Variants in ABCC5 observed in about 807,000 individuals in gnomAD.
ABCC5 encodes the protein ATP-binding cassette sub-family C member 5.
A neutral mutation model predicts 160.9 loss-of-function variants in ABCC5; 61 were observed. The ratio of observed to expected loss-of-function variants is 0.38; its 90% CI spans 0.31 to 0.47. The LOEUF is 0.47. ABCC5 is among the 20% of genes least tolerant of loss of function. The pLI, the probability that ABCC5 is intolerant of heterozygous loss-of-function variation, is 0.99. For synonymous variants in ABCC5, 666 were observed against 700.6 expected, an observed-to-expected ratio of 0.95 and a Z score of 0.78; for missense variants, 1,308 against 1,813.3, an observed-to-expected ratio of 0.72 and a Z score of 5.06.
At position 183,982,417 on chromosome 3, in the gene ABCC5, A is replaced by ATG; in HGVS notation, c.999+33_999+34insCA. On this transcript the variant is annotated intron_variant, in intron 7 of 29. Coordinates refer to ENST00000334444, the MANE Select transcript of ABCC5 (RefSeq NM_005688.4). This position sits in a 1 kb window ranked among gnomAD's most constrained non-coding sequence, Gnocchi z 5.2. ...TGGAAGTAACTCATCTCCTAAGGAG[A>ATG]AGCTGCCAGGATTCAGCTGGGAGGC... 1 of 1,603,528 alleles carries ATG rather than the reference A, an allele frequency of 6.2e-7. No individual in the cohort carries two copies. The highest frequency in any genetic ancestry group is 8.5e-7 in the Non-Finnish European group (1 of 1,174,218).
rs1718328756 is a variant in ABCC5 at position 183,977,538 on chromosome 3, T to A, written c.1383A>T (p.Ser461=). 1 of 1,613,774 alleles carries A rather than the reference T, an allele frequency of 6.2e-7. No individual in the cohort carries two copies. ...PFSVKSLSEA[S]VAVDRFKSLF... ...TTACCTTAAATCTGTCAACAGCCAC[T>A]GAGGCTTCTGAGAGGGACTTTACTG... Residue 461 remains serine (S), a synonymous_variant, in exon 10 of 30, where the codon TCA becomes TCT. Transcript: ENST00000334444.
At position 183,951,549 on chromosome 3, in the gene ABCC5, G is replaced by A. The variant is rs757382087; in HGVS notation, c.2836C>T (p.Arg946Trp). 6.2e-7 allele frequency: 1 copy of A among 1,614,158 alleles called. No homozygotes were observed. The highest frequency in any genetic ancestry group is 8.5e-7 in the Non-Finnish European group (1 of 1,180,032). Residue 946 changes from arginine to tryptophan, a missense_variant, in exon 20 of 30, where the codon CGG becomes TGG. This residue lies in a region of ABCC5 where 1,142 missense variants were observed against 1,527.1 expected (regional missense o/e 0.75). Coordinates refer to ENST00000334444, the MANE Select transcript of ABCC5 (RefSeq NM_005688.4). The surrounding 1 kb of genome is among the most constrained non-coding windows in gnomAD (Gnocchi z 4.7). ...CTTCGGAAAAGCTCGTCATGCAGCC[G>A]GGAGGAAGCTCGCAGCGTGCCCTGA... is the stretch of plus-strand genomic sequence containing the variant. Reference protein sequence around the residue: ...FVKGTLRASSRLHDELFRRIL... With the variant: ...FVKGTLRASSWLHDELFRRIL...
At position 183,928,966 on chromosome 3, in the gene ABCC5, A is replaced by G; in HGVS notation, c.3855-141T>C. On this transcript the variant is annotated intron_variant, in intron 26 of 29. Coordinates refer to ENST00000334444, the MANE Select transcript of ABCC5 (RefSeq NM_005688.4). The stretch of plus-strand genomic sequence containing the variant: ...ATGGTCACAGACGGCTCATTCCACA[A>G]CCAGACAGATGGGAGCTCTGACAGC... 4 of 615,828 alleles carry G rather than the reference A, an allele frequency of 6.5e-6. No individual in the cohort carries two copies. The South Asian group carries it at 8.7e-5, about 13-fold the overall frequency. The allele number at this position is 615,828 out of a possible 1,614,324, so 38.1% of individuals were successfully genotyped here.
chr3:183,999,924 T>C (rs553093486), intron 2 of ABCC5, among the ~76,000 whole-genome samples: 2 of 152,256 alleles, frequency 1.3e-5, no homozygotes, highest in Admixed American at 6.5e-5. Flanking sequence ...ATAGCATACT[T>C]AGTCCAGCTA....
rs752070795 is a variant in ABCC5 at position 183,965,189 on chromosome 3, G to A, written c.2027C>T (p.Thr676Met). Residue 676 changes from threonine to methionine, a missense_variant, in exon 14 of 30, where the codon ACG (threonine) becomes ATG (methionine). Physicochemically the swap from Thr to Met is moderately conservative, Grantham distance 81. Coordinates refer to ENST00000334444, the MANE Select transcript of ABCC5 (RefSeq NM_005688.4). The stretch of plus-strand genomic sequence containing the variant: ...TCAGGGGCGGAAGGCCTGTACCTCC[G>A]TCAGGTCGCTGCTGGGAAGAATGGC... ...DLAILPSSDL[T>M]EIGERGANLS... 3.4e-5 allele frequency: 55 copies of A among 1,613,976 alleles called. 1 individual carries two copies. Among genetic ancestry groups the A allele is most frequent in the South Asian group, 4.4e-5 (4 of 91,086 alleles).
In ABCC5 at chr3:183,991,251, C is replaced by T. The variant is rs180756967; in HGVS notation, c.130-1868G>A. 2.1e-3 allele frequency among the ~76,000 whole-genome samples: 314 copies of T among 151,660 alleles called. 1 individual carries two copies. The highest frequency in any genetic ancestry group is 7.1e-3 in the African/African-American group (293 of 41,354). On this transcript the variant is annotated intron_variant, in intron 2 of 29. Transcript: ENST00000334444. ...GTTGGAGGCTGCAATGAGCTATGAT[C>T]GTACCACTGCACTCCAGCCTGGGTG...
rs1643240374 is a variant in ABCC5 at position 183,983,296 on chromosome 3, C to A, written c.592-289G>T. On this transcript the variant is annotated intron_variant, in intron 5 of 29. Transcript: ENST00000334444. ...TCAATGAGCTGAAATTAACTCTAAA[C>A]ACATGGTCATTCAAAAGTATAGCTT... 1.1e-4 allele frequency: 49 copies of A among 441,800 alleles called. 1 individual carries two copies. In the South Asian group the frequency reaches 1.3e-3, roughly 12 times the overall value. The allele number at this position is 441,800 out of a possible 1,614,324, so 27.4% of individuals were successfully genotyped here.
chr3:183,971,736 CCTT>C lies in ABCC5; in HGVS notation c.1585_1587del (p.Lys529del). ...TGCTCAGTGCGCTGCAGCTGCCTCACCTTCTCTTTCTTGCCCCTGGAAGCCCTC... is the reference window on the plus strand; with the variant it reads ...TGCTCAGTGCGCTGCAGCTGCCTCACCTCTTTCTTGCCCCTGGAAGCCCTC... On this transcript the variant is annotated inframe_deletion, in exon 11 of 30. Coordinates refer to ENST00000334444, the MANE Select transcript of ABCC5 (RefSeq NM_005688.4). 1 of 1,614,228 alleles carries C rather than the reference CCTT, an allele frequency of 6.2e-7. No homozygotes were observed. Among genetic ancestry groups the C allele is most frequent in the Non-Finnish European group, 8.5e-7 (1 of 1,180,042 alleles).
intron 17 of ABCC5, among the ~76,000 whole-genome samples, chr3:183,955,975 C>T (rs1373565689): frequency 1.4e-5 from 2 of 143,048 alleles, no homozygotes; most frequent in Admixed American, 7.2e-5. Flanking sequence ...TATATCACAT[C>T]GGTTACATGC....
intron 26 of ABCC5, among the ~76,000 whole-genome samples, chr3:183,929,256 A>C (rs1712931923): frequency 6.6e-6 from 1 of 152,012 alleles, no homozygotes; most frequent in Non-Finnish European, 1.5e-5. Context: ...AACATGGTGA[A>C]TCCCTGTCTC....
intron 2 of ABCC5, among the ~76,000 whole-genome samples, chr3:183,993,187 C>T (rs890915609): frequency 5.3e-5 from 8 of 151,964 alleles, no homozygotes; most frequent in Non-Finnish European, 7.4e-5. Context: ...CAAATGTCTT[C>T]GTGAAGGTAC....
At chr3:183,971,999 G>A (rs746638773) in intron 10 of ABCC5, 80 bp from the exon 11 acceptor site, 4 of 1,600,994 alleles carry the variant, frequency 2.5e-6, no homozygotes, top group South Asian at 1.1e-5. Context: ...GTACACTCAC[G>A]TAGCAAAACA....
intron 25 of ABCC5, among the ~76,000 whole-genome samples, chr3:183,941,520 G>GTT (rs978651638): frequency 7.7e-5 from 11 of 143,600 alleles, no homozygotes; most frequent in African/African-American, 2.5e-4. Flanking sequence ...AAGACAAAAG[G>GTT]TTTTTTTTTT....
At chr3:183,946,362 C>T (rs974880263) in intron 23 of ABCC5, among the ~76,000 whole-genome samples, 1 of 152,170 alleles carries the variant, frequency 6.6e-6, no homozygotes, top group African/African-American at 2.4e-5. Flanking sequence ...ATGAGTGAGT[C>T]TGGAGCCCCT....
At chr3:183,995,365 C>T (rs888242894) in intron 2 of ABCC5, among the ~76,000 whole-genome samples, 10 of 151,980 alleles carry the variant, frequency 6.6e-5, no homozygotes, top group African/African-American at 2.4e-4. Context: ...TCTTCCAACC[C>T]CCAGGTCATG....
intron 25 of ABCC5, among the ~76,000 whole-genome samples, chr3:183,940,225 C>T (rs1367930550): frequency 6.6e-6 from 1 of 151,806 alleles, no homozygotes; most frequent in Non-Finnish European, 1.5e-5. Context: ...CCGGTGGGCG[C>T]AGCGGTTCAC....
chr3:183,975,410 C>T (rs1419971487), intron 10 of ABCC5, among the ~76,000 whole-genome samples: 1 of 151,744 alleles, frequency 6.6e-6, no homozygotes, highest in Admixed American at 6.6e-5. Flanking sequence ...GGCGCGATCT[C>T]GACTCATGGC....
chr3:183,944,227 C>A (rs1352114863), intron 24 of ABCC5, among the ~76,000 whole-genome samples: 1 of 152,002 alleles, frequency 6.6e-6, no homozygotes. Flanking sequence ...AAACCTATCT[C>A]TACAAAAAAT....
chr3:183,965,087 G>A, intron 14 of ABCC5, 98 bp downstream of exon 14: 1 of 1,264,652 alleles, frequency 7.9e-7, no homozygotes, highest in Non-Finnish European at 1.1e-6. Flanking sequence ...CTCCCTGTGA[G>A]GCTCTTCTCC....
Sources: allele counts gnomAD v4.1 joint callset (sites outside exome capture counted in the v4.1 genomes callset), GRCh38; gene constraint gnomAD v4.1.1; regional missense constraint gnomAD v4.1.1; non-coding constraint Gnocchi (gnomAD v3.1); transcripts MANE v1.5; gene names NCBI Gene and HGNC (gene_info 2026-07-23, HGNC 2026-07-21).